CATSPER1: variants seen among roughly 807,000 people sequenced by gnomAD.
The protein encoded by CATSPER1 is cation channel sperm-associated protein 1.
A neutral mutation model predicts 72.7 loss-of-function variants in CATSPER1; 57 were observed. That is an observed-to-expected ratio of 0.78 (90% CI 0.63 to 0.98). The LOEUF (loss-of-function observed/expected upper bound fraction) is 0.98, where lower values mean the gene tolerates loss of function less well. Among genes scored for constraint, CATSPER1 ranks in the 50% least tolerant of loss-of-function variants. The pLI is 0.00. For missense variants in CATSPER1, 910 were observed against 1,033.9 expected, an observed-to-expected ratio of 0.88 and a Z score of 1.64; for synonymous variants, 363 against 403.0, an observed-to-expected ratio of 0.90 and a Z score of 1.19.
intron 2 of CATSPER1, 49 bp downstream of exon 2, chr11:66,022,800 G>A (rs1565072348): frequency 3.8e-6 from 6 of 1,588,988 alleles, no homozygotes; most frequent in Admixed American, 1.7e-5. Flanking sequence ...GGAGGTCCTG[G>A]AAGAGCATCG....
chr11:66,023,768 G>T (rs1468538605), intron 1 of CATSPER1, among the ~76,000 whole-genome samples: 2 of 151,822 alleles, frequency 1.3e-5, no homozygotes, highest in Middle Eastern at 3.2e-3. Context: ...ATGCCTCCAT[G>T]CCTTTCTTTG....
chr11:66,020,752 C>T lies in CATSPER1; in HGVS notation c.1927+59G>A. 6.2e-7 allele frequency: 1 copy of T among 1,610,698 alleles called. No individual in the cohort carries two copies. On this transcript the variant is annotated intron_variant, in intron 6 of 11. Coordinates refer to ENST00000312106, the MANE Select transcript of CATSPER1 (RefSeq NM_053054.4). The surrounding 1 kb of genome is among the most constrained non-coding windows in gnomAD (Gnocchi z 4.5). The stretch of plus-strand genomic sequence containing the variant: ...CCACTTTGCCGATGGGGTCACTGAG[C>T]CCTGGCCGGTCCACCCCGCCAATCC...
rs200189507 is a variant in CATSPER1 at position 66,025,287 on chromosome 11, G to C, written c.1093C>G (p.Arg365Gly). ...HPRGSAHSMT[R>G]SSSTIRSRVT... Reference sequence around the variant, plus strand: ...CGTGAGCGGATTGTGCTGGAGGACCGAGTCATGCTGTGAGCCGAGCCCCGT... The same window carrying C: ...CGTGAGCGGATTGTGCTGGAGGACCCAGTCATGCTGTGAGCCGAGCCCCGT... The change falls in exon 1 of 12, where the codon CGG (arginine) becomes GGG (glycine). Residue 365 changes from arginine to glycine, a missense_variant. By Grantham distance (125) the Arg-to-Gly change is moderately radical. Coordinates refer to ENST00000312106, the MANE Select transcript of CATSPER1 (RefSeq NM_053054.4). 1 of 1,614,176 alleles carries C rather than the reference G, an allele frequency of 6.2e-7. No homozygotes were observed. Among genetic ancestry groups the C allele is most frequent in the South Asian group, 1.1e-5 (1 of 91,082 alleles).
intron 9 of CATSPER1, among the ~76,000 whole-genome samples, chr11:66,019,230 C>A (rs1243580817): frequency 6.6e-6 from 1 of 152,094 alleles, no homozygotes; most frequent in African/African-American, 2.4e-5. Context: ...TAGCCCCACC[C>A]CCCAGCTTCA....
At chr11:66,018,787 C>G (rs999523829) in intron 10 of CATSPER1, 40 bp downstream of exon 10, 3 of 1,607,532 alleles carry the variant, frequency 1.9e-6, no homozygotes, top group Admixed American at 3.3e-5. Flanking sequence ...CCAGGCCTCA[C>G]CCTCAGACCC....
Position 66,021,188 on chromosome 11 carries a change from G to A in CATSPER1, c.1692-3C>T, listed in dbSNP as rs750585156. 2 of 1,611,926 alleles carry A rather than the reference G, an allele frequency of 1.2e-6. No homozygotes were observed. Among genetic ancestry groups the A allele is most frequent in the African/African-American group, 2.7e-5 (2 of 74,914 alleles). ...CTTCCTGGACGCTGGTCAGGAAGCTGTGGGCAGAAGGAGTGGGGACTGAGT... is the reference window on the plus strand; with the variant it reads ...CTTCCTGGACGCTGGTCAGGAAGCTATGGGCAGAAGGAGTGGGGACTGAGT... On this transcript the variant is annotated splice_polypyrimidine_tract_variant and splice_region_variant and intron_variant, in intron 4 of 11. Transcript: ENST00000312106.
Position 66,021,853 on chromosome 11 carries a change from T to C in CATSPER1, c.1456A>G (p.Ile486Val), listed in dbSNP as rs1195071142. 1.9e-6 allele frequency: 3 copies of C among 1,614,116 alleles called. No homozygotes were observed. The highest frequency in any genetic ancestry group is 1.7e-5 in the Admixed American group (1 of 60,014). The change falls in exon 3 of 12, where the codon ATA (isoleucine) becomes GTA (valine). Residue 486 changes from isoleucine to valine, a missense_variant. Coordinates refer to ENST00000312106, the MANE Select transcript of CATSPER1 (RefSeq NM_053054.4). Reference sequence around the variant, plus strand: ...TCCACCACGTAGATGCAGAAGAATATGGAGTCCAAGGCCATGAAGTACCAC... The same window carrying C: ...TCCACCACGTAGATGCAGAAGAATACGGAGTCCAAGGCCATGAAGTACCAC... Reference protein sequence around the residue: ...GEWYFMALDSIFFCIYVVEAL... With the variant: ...GEWYFMALDSVFFCIYVVEAL...
At chr11:66,024,779 G>A (rs1165614520) in intron 1 of CATSPER1, among the ~76,000 whole-genome samples, 2 of 152,202 alleles carry the variant, frequency 1.3e-5, no homozygotes, top group African/African-American at 4.8e-5. Flanking sequence ...CAGGCCCCGA[G>A]CACAGGATGA....
intron 1 of CATSPER1, 134 bp from the exon 2 acceptor site, chr11:66,023,195 C>T: frequency 1.1e-6 from 1 of 897,186 alleles, no homozygotes; most frequent in South Asian, 1.4e-5. Context: ...GTTCAAGCAA[C>T]TCTTGTGCCT....
Position 66,025,461 on chromosome 11 carries a change from C to T in CATSPER1, c.919G>A (p.Gly307Ser), listed in dbSNP as rs143520345. Residue 307 changes from glycine (G) to serine (S), a missense_variant, in exon 1 of 12, where the codon GGC becomes AGC. By Grantham distance (56) the Gly-to-Ser change is moderately conservative. Coordinates refer to ENST00000312106, the MANE Select transcript of CATSPER1 (RefSeq NM_053054.4). The part of the protein sequence containing the change: ...RDYHQHQDHH[G>S]AYHSSYLHGD... ...TGGAGGTAACTGGAATGATACGCGC[C>T]GTGGTGGTCTTGGTGCTGATGGTAG... is the stretch of plus-strand genomic sequence containing the variant. 9 of 1,611,442 alleles carry T rather than the reference C, an allele frequency of 5.6e-6. No homozygotes were observed. The highest frequency in any genetic ancestry group is 4.5e-5 in the East Asian group (2 of 44,778).
At position 66,016,851 on chromosome 11, in the gene CATSPER1, T is replaced by A; in HGVS notation, c.*39A>T. On this transcript the variant is annotated 3_prime_UTR_variant, in exon 12 of 12. Transcript: ENST00000312106. Reference sequence around the variant, plus strand: ...TCCCAGTGCACCCAGGTGGGCAGACTGCCAGGGGCTGAAGTCTGTATCTGG... The same window carrying A: ...TCCCAGTGCACCCAGGTGGGCAGACAGCCAGGGGCTGAAGTCTGTATCTGG... 6.2e-7 allele frequency: 1 copy of A among 1,605,428 alleles called. No homozygotes were observed. Among genetic ancestry groups the A allele is most frequent in the South Asian group, 1.1e-5 (1 of 89,920 alleles).
rs570606904 is a variant in CATSPER1 at position 66,021,173 on chromosome 11, G to A, written c.1704C>T (p.Ser568=). Residue 568 remains serine (S), a synonymous_variant, in exon 5 of 12, where the codon AGC becomes AGT. Coordinates refer to ENST00000312106, the MANE Select transcript of CATSPER1 (RefSeq NM_053054.4). The part of the protein sequence containing the change: ...RVLRRLSFLT[S]VQEVTGTLGQ... ...CCAGGGTCCCTGTCACTTCCTGGAC[G>A]CTGGTCAGGAAGCTGTGGGCAGAAG... is the stretch of plus-strand genomic sequence containing the variant. The A allele has an allele frequency of 1.8e-5, 29 of 1,612,826 alleles. No individual in the cohort carries two copies. Among genetic ancestry groups the A allele is most frequent in the South Asian group, 1.5e-4 (14 of 90,760 alleles).
chr11:66,017,182 T>TGGGG lies in CATSPER1; in HGVS notation c.2202-9_2202-8insCCCC. On this transcript the variant is annotated splice_polypyrimidine_tract_variant and intron_variant, in intron 10 of 11. Coordinates refer to ENST00000312106, the MANE Select transcript of CATSPER1 (RefSeq NM_053054.4). ...AACAGGAGCTCCTGCTGCCTGCGGG[T>TGGGG]GGGCGGGGGGGTCGCAGAGACAGGG... 1 of 173,890 alleles carries TGGGG rather than the reference T, an allele frequency of 5.8e-6. No homozygotes were observed. The allele number at this position is 173,890 out of a possible 1,614,324, so 10.8% of individuals were successfully genotyped here.
In CATSPER1 at chr11:66,017,182, T is replaced by TG; in HGVS notation, c.2202-9dup. ...AACAGGAGCTCCTGCTGCCTGCGGG[T>TG]GGGCGGGGGGGTCGCAGAGACAGGG... is the stretch of plus-strand genomic sequence containing the variant. On this transcript the variant is annotated splice_polypyrimidine_tract_variant and intron_variant, in intron 10 of 11. Transcript: ENST00000312106. The TG allele has an allele frequency of 1.8e-4, 31 of 173,886 alleles. No individual in the cohort carries two copies. Among genetic ancestry groups the TG allele is most frequent in the Admixed American group, 5.8e-4 (7 of 11,984 alleles). The allele number at this position is 173,886 out of a possible 1,614,324, so 10.8% of individuals were successfully genotyped here. A position where few individuals can be genotyped will look rare whatever the true frequency, so the allele number is the denominator to read the frequency against.
In CATSPER1 at chr11:66,020,058, CTG is replaced by C. The variant is rs1856320744; in HGVS notation, c.2125+80_2125+81del. 4 of 1,421,162 alleles carry C rather than the reference CTG, an allele frequency of 2.8e-6. 1 individual carries two copies. In the African/African-American group the frequency reaches 4.3e-5, roughly 15 times the overall value. 88.0% of individuals were successfully genotyped at this position (1,421,162 alleles called of 1,614,324 possible). Reference sequence around the variant, plus strand: ...TAAAACTGAGTCTGGAATTCTGTGACTGTGGAAGGAGGTTAGGGGGATGGAGA... The same window carrying C: ...TAAAACTGAGTCTGGAATTCTGTGACTGGAAGGAGGTTAGGGGGATGGAGA... On this transcript the variant is annotated intron_variant, in intron 9 of 11. Transcript: ENST00000312106. The surrounding 1 kb of genome is among the most constrained non-coding windows in gnomAD (Gnocchi z 4.5).
intron 2 of CATSPER1, among the ~76,000 whole-genome samples, chr11:66,022,383 T>G (rs10791838): frequency 0.17 from 26,105 of 152,218 alleles, 2,312 homozygotes; most frequent in Middle Eastern, 0.26. Flanking sequence ...TTGATAGAGT[T>G]GTGAGCGTTA....
At position 66,025,441 on chromosome 11, in the gene CATSPER1, G is replaced by A. The variant is rs749765238; in HGVS notation, c.939C>T (p.Tyr313=). ...QDHHGAYHSS[Y]LHGDYVQSTS... is the part of the protein sequence containing the mutation. Reference sequence around the variant, plus strand: ...TGCTCTGGACGTAGTCGCCATGGAGGTAACTGGAATGATACGCGCCGTGGT... The same window carrying A: ...TGCTCTGGACGTAGTCGCCATGGAGATAACTGGAATGATACGCGCCGTGGT... Residue 313 remains tyrosine (Y), a synonymous_variant, in exon 1 of 12, where the codon TAC becomes TAT. Coordinates refer to ENST00000312106, the MANE Select transcript of CATSPER1 (RefSeq NM_053054.4). The A allele has an allele frequency of 3.7e-6, 6 of 1,613,824 alleles. No individual in the cohort carries two copies. In the South Asian group the frequency reaches 4.4e-5, roughly 12 times the overall value.
At chr11:66,022,532 C>T (rs1055115223) in intron 2 of CATSPER1, among the ~76,000 whole-genome samples, 1 of 152,158 alleles carries the variant, frequency 6.6e-6, no homozygotes, top group African/African-American at 2.4e-5. Context: ...AGGGCCTTCT[C>T]GGGCTCCCGG....
chr11:66,018,107 G>C (rs1346778964), intron 10 of CATSPER1, among the ~76,000 whole-genome samples: 2 of 151,792 alleles, frequency 1.3e-5, no homozygotes, highest in African/African-American at 4.8e-5. Flanking sequence ...ACTCGGGAGG[G>C]TGAGGTGGGA....
Sources: gnomAD v4.1 joint callset for allele counts (sites outside exome capture counted in the v4.1 genomes callset) on GRCh38, gnomAD v4.1.1 for gene constraint, Gnocchi (gnomAD v3.1) non-coding constraint, MANE v1.5 for transcripts, NCBI Gene and HGNC (gene_info 2026-07-23, HGNC 2026-07-21) for gene names.